PITPNC1: variants seen among roughly 807,000 people sequenced by gnomAD.
PITPNC1 encodes cytoplasmic phosphatidylinositol transfer protein 1.
PITPNC1 carries 18 observed loss-of-function variants against 44.7 expected under a neutral mutation model. The observed-to-expected ratio is 0.40, with a 90% CI of 0.28 to 0.60. PITPNC1 has a LOEUF of 0.60. Among genes scored for constraint, PITPNC1 ranks in the 20% least tolerant of loss-of-function variants. The pLI is 0.39. For missense variants in PITPNC1, 290 were observed against 418.4 expected (o/e 0.69, Z 2.68); for synonymous variants, 141 against 149.6 (o/e 0.94, Z 0.42).
intron 8 of PITPNC1, among the ~76,000 whole-genome samples, chr17:67,683,839 G>A (rs941010674): frequency 6.6e-5 from 10 of 151,802 alleles, no homozygotes; most frequent in African/African-American, 1.7e-4. Context: ...TCAGCCGGGC[G>A]TGGTGGCACA....
intron 8 of PITPNC1, among the ~76,000 whole-genome samples, chr17:67,689,095 G>A (rs1424887740): frequency 1.3e-5 from 2 of 151,800 alleles, no homozygotes; most frequent in Non-Finnish European, 1.5e-5. Flanking sequence ...CCAGCTACTC[G>A]GGAGGCTGAG....
Position 67,532,773 on chromosome 17 carries a change from AC to A in PITPNC1, c.49-27del, listed in dbSNP as rs774059198. The A allele has an allele frequency of 3.9e-6, 6 of 1,540,330 alleles. No individual in the cohort carries two copies. The South Asian group carries it at 6.0e-5, about 16-fold the overall frequency. ...ATGTCAGGGGCACGCTGTGGGGCTG[AC>A]CTTTCTGTCTCTGACTCTGTTTTGT... is the stretch of plus-strand genomic sequence containing the variant. On this transcript the variant is annotated intron_variant, in intron 1 of 8. Transcript: ENST00000581322.
intron 3 of PITPNC1, among the ~76,000 whole-genome samples, chr17:67,552,646 C>T (rs1047361989): frequency 6.6e-6 from 1 of 151,960 alleles, no homozygotes; most frequent in African/African-American, 2.4e-5. Context: ...TTTGGGAGGC[C>T]GAGGCAGGTG....
chr17:67,655,333 C>T (rs576999007), intron 6 of PITPNC1, among the ~76,000 whole-genome samples: 3 of 151,858 alleles, frequency 2.0e-5, no homozygotes, highest in African/African-American at 7.2e-5. Context: ...CCAAGATGAG[C>T]GGATCACGAG....
intron 1 of PITPNC1, among the ~76,000 whole-genome samples, chr17:67,435,141 G>A (rs1303162487): frequency 6.7e-6 from 1 of 150,230 alleles, no homozygotes; most frequent in Non-Finnish European, 1.5e-5. Flanking sequence ...GAAGCCCAGA[G>A]CTCAAGATCT....
intron 4 of PITPNC1, among the ~76,000 whole-genome samples, chr17:67,563,679 C>T (rs373366423): frequency 1.7e-4 from 26 of 152,276 alleles, no homozygotes; most frequent in African/African-American, 6.3e-4. Context: ...GGTTTGAAAA[C>T]TACTGAACTG....
chr17:67,672,324 C>T (rs893245857), intron 7 of PITPNC1, among the ~76,000 whole-genome samples: 5 of 151,958 alleles, frequency 3.3e-5, no homozygotes, highest in African/African-American at 7.2e-5. Flanking sequence ...TAAGGCTGGG[C>T]GTGGTTCACA....
chr17:67,473,399 G>A (rs1369984085), intron 1 of PITPNC1, among the ~76,000 whole-genome samples: 1 of 151,650 alleles, frequency 6.6e-6, no homozygotes, highest in Admixed American at 6.6e-5. Context: ...CACAATCTCG[G>A]CTCACTGCAA....
At chr17:67,600,188 C>A (rs966554324) in intron 5 of PITPNC1, among the ~76,000 whole-genome samples, 7 of 152,096 alleles carry the variant, frequency 4.6e-5, no homozygotes, top group African/African-American at 1.7e-4. Context: ...AGTAGTAGTT[C>A]TGCTCTTAGA....
At chr17:67,514,897 A>C (rs2040238101) in intron 1 of PITPNC1, among the ~76,000 whole-genome samples, 1 of 152,162 alleles carries the variant, frequency 6.6e-6, no homozygotes, top group Non-Finnish European at 1.5e-5. Context: ...CTGGAGTCAT[A>C]GTTAGGATTA....
In PITPNC1 at chr17:67,524,838, C is replaced by T. The variant is rs2040374878; in HGVS notation, c.49-7964C>T. 2 of 26,016 alleles carry T rather than the reference C, an allele frequency of 7.7e-5. 1 individual carries two copies. The highest frequency in any genetic ancestry group is 1.3e-4 in the Non-Finnish European group (2 of 15,390). The allele number at this position is 26,016 out of a possible 1,614,324, so 1.6% of individuals were successfully genotyped here. A position where few individuals can be genotyped will look rare whatever the true frequency, so the allele number is the denominator to read the frequency against. On this transcript the variant is annotated intron_variant, in intron 1 of 8. Coordinates refer to ENST00000581322, the MANE Select transcript of PITPNC1 (RefSeq NM_012417.4). ...ACTGCGGACTGCAGTGGCGCAATCTCGGCTCACTGCAAGCTCCGCTTCCCG... is the reference window on the plus strand; with the variant it reads ...ACTGCGGACTGCAGTGGCGCAATCTTGGCTCACTGCAAGCTCCGCTTCCCG...
At chr17:67,673,768 G>C (rs2042551461) in intron 7 of PITPNC1, among the ~76,000 whole-genome samples, 1 of 151,740 alleles carries the variant, frequency 6.6e-6, no homozygotes, top group Admixed American at 6.6e-5. Flanking sequence ...GACCAACATG[G>C]TGAAACCCCG....
chr17:67,443,518 A>G (rs2039046790), intron 1 of PITPNC1, among the ~76,000 whole-genome samples: 1 of 151,632 alleles, frequency 6.6e-6, no homozygotes. Context: ...GGGGCTTTTC[A>G]TGTCTAATGA....
At chr17:67,644,663 G>A (rs1044697528) in intron 6 of PITPNC1, among the ~76,000 whole-genome samples, 8 of 152,016 alleles carry the variant, frequency 5.3e-5, no homozygotes, top group African/African-American at 1.7e-4. Flanking sequence ...TCGAACTCCT[G>A]ACTTCAGGTG....
rs184497885 is a variant in PITPNC1, at chr17:67,640,552, C to A, written c.462+8314C>A. 4.6e-3 allele frequency among the ~76,000 whole-genome samples: 699 copies of A among 151,688 alleles called. 5 individuals are homozygous for A. Among genetic ancestry groups the A allele is most frequent in the African/African-American group, 0.016 (657 of 41,356 alleles). On this transcript the variant is annotated intron_variant, in intron 6 of 8. Transcript: ENST00000581322. ...AAAATTAGCCACGTATGGTGGCGGG[C>A]ACCTGTAATCCCAGCTACTCAGGAG... is the stretch of plus-strand genomic sequence containing the variant.
intron 1 of PITPNC1, among the ~76,000 whole-genome samples, chr17:67,384,181 A>G (rs935050605): frequency 6.6e-6 from 1 of 152,190 alleles, no homozygotes; most frequent in African/African-American, 2.4e-5. Context: ...GCAGAAAAAT[A>G]GAAACACTCC....
chr17:67,424,724 C>G (rs1212502593), intron 1 of PITPNC1, among the ~76,000 whole-genome samples: 1 of 151,134 alleles, frequency 6.6e-6, no homozygotes, highest in African/African-American at 2.4e-5. Context: ...TTCATGCAGT[C>G]AATAAGTAGG....
intron 5 of PITPNC1, among the ~76,000 whole-genome samples, chr17:67,588,215 G>A (rs776346151): frequency 1.1e-4 from 16 of 152,068 alleles, no homozygotes; most frequent in South Asian, 2.1e-4. Context: ...TGTTGGCCAC[G>A]CTGATCTTGA....
chr17:67,438,596 G>A (rs1333690900), intron 1 of PITPNC1, among the ~76,000 whole-genome samples: 7 of 152,170 alleles, frequency 4.6e-5, no homozygotes, highest in African/African-American at 4.8e-5. Context: ...GATTACAGGC[G>A]TGAGCCACCG....
Sources: allele counts gnomAD v4.1 joint callset (sites outside exome capture counted in the v4.1 genomes callset), GRCh38; gene constraint gnomAD v4.1.1; transcripts MANE v1.5; gene names NCBI Gene and HGNC (gene_info 2026-07-23, HGNC 2026-07-21).